The following ADAMTSL1 variants were observed in gnomAD, a reference collection of about 807,000 sequenced individuals.
The protein encoded by ADAMTSL1 is ADAMTS-like protein 1.
In ADAMTSL1, 126 loss-of-function variants were observed where a neutral mutation model predicts 201.8. The ratio of observed to expected loss-of-function variants is 0.62; its 90% CI spans 0.54 to 0.72. ADAMTSL1 has a LOEUF of 0.72. Among genes scored for constraint, ADAMTSL1 ranks in the 30% least tolerant of loss-of-function variants. The pLI, the probability that ADAMTSL1 is intolerant of heterozygous loss-of-function variation, is 0.00. For synonymous variants in ADAMTSL1, 1,121 were observed against 903.4 expected (o/e 1.24, Z -4.32); for missense variants, 2,679 against 2,277.8 (o/e 1.18, Z -3.59).
intron 2 of ADAMTSL1, among the ~76,000 whole-genome samples, chr9:18,225,778 A>G (rs1240911052): frequency 6.6e-6 from 1 of 152,180 alleles, no homozygotes; most frequent in Non-Finnish European, 1.5e-5. Flanking sequence ...AAAATTAAAT[A>G]TGATCATTTA....
At chr9:18,659,005 C>G (rs1252472895) in intron 8 of ADAMTSL1, among the ~76,000 whole-genome samples, 1 of 152,130 alleles carries the variant, frequency 6.6e-6, no homozygotes, top group Admixed American at 6.6e-5. Flanking sequence ...AGATTCATTG[C>G]CAACTGAGTC....
At chr9:18,906,997 A>G (rs765074102) in intron 28 of ADAMTSL1, 85 bp downstream of exon 28, 3 of 1,486,980 alleles carry the variant, frequency 2.0e-6, no homozygotes, top group South Asian at 2.5e-5. Context: ...GACCCTGAGC[A>G]TAGGGCATGG....
At chr9:18,235,792 A>T (rs546504035) in intron 2 of ADAMTSL1, among the ~76,000 whole-genome samples, 1 of 152,184 alleles carries the variant, frequency 6.6e-6, no homozygotes. Context: ...AGCTCAAGAT[A>T]CAGTAGAAAG....
chr9:18,538,229 T>C (rs557026940), intron 3 of ADAMTSL1, among the ~76,000 whole-genome samples: 1 of 152,096 alleles, frequency 6.6e-6, no homozygotes, highest in Non-Finnish European at 1.5e-5. Flanking sequence ...GATTTGGGTA[T>C]GTTCTAGAGA....
At chr9:18,717,251 AAT>A (rs1833007934) in intron 14 of ADAMTSL1, among the ~76,000 whole-genome samples, 2 of 133,646 alleles carry the variant, frequency 1.5e-5, no homozygotes, top group Non-Finnish European at 3.1e-5. Context: ...TAATAATAAT[AAT>A]AAATAAAATA....
chr9:18,454,161 A>G lies in ADAMTSL1; in HGVS notation c.208-50668A>G, dbSNP rs141992478. ...TAAGTCTGAAAGCCTCAGAACCAGA[A>G]AAGACAGTGGAATAAATATCAGTAC... On this transcript the variant is annotated intron_variant, in intron 2 of 29. Coordinates refer to the ADAMTSL1 transcript ENST00000680146. 1.4e-3 allele frequency among the ~76,000 whole-genome samples: 213 copies of G among 152,322 alleles called. 2 individuals are homozygous for G. The highest frequency in any genetic ancestry group is 4.8e-3 in the African/African-American group (200 of 41,576).
intron 2 of ADAMTSL1, among the ~76,000 whole-genome samples, chr9:18,268,898 T>TA (rs1279245582): frequency 6.6e-6 from 1 of 152,118 alleles, no homozygotes; most frequent in Admixed American, 6.6e-5. Flanking sequence ...TCAAATTCCT[T>TA]AAAAAATGAA....
chr9:18,454,079 C>A (rs1820515192), intron 2 of ADAMTSL1, among the ~76,000 whole-genome samples: 1 of 152,180 alleles, frequency 6.6e-6, no homozygotes, highest in South Asian at 2.1e-4. Flanking sequence ...ATTATGGAAG[C>A]TGAGAAGTTC....
chr9:18,291,745 T>TCACA (rs1364394883), intron 2 of ADAMTSL1, among the ~76,000 whole-genome samples: 140 of 111,080 alleles, frequency 1.3e-3, no homozygotes, highest in East Asian at 9.0e-3. Context: ...TCTCTCTCTC[T>TCACA]CTCACACACA....
At chr9:18,439,975 T>A (rs1819925275) in intron 2 of ADAMTSL1, among the ~76,000 whole-genome samples, 2 of 152,226 alleles carry the variant, frequency 1.3e-5, no homozygotes, top group South Asian at 2.1e-4. Flanking sequence ...AGTAACTTAC[T>A]ATGTGTATTC....
chr9:18,335,062 G>A lies in ADAMTSL1; in HGVS notation c.208-169767G>A, dbSNP rs532797985. Among the ~76,000 whole-genome samples the A allele has an allele frequency of 5.6e-4, 85 of 152,186 alleles. No individual in the cohort carries two copies. In the South Asian group the frequency reaches 0.013, roughly 24 times the overall value. On this transcript the variant is annotated intron_variant, in intron 2 of 29. Transcript: ENST00000680146. ...GATCCCTTAATAACTTGAAGGTTAC[G>A]TAAGGCATTATGAAACTACACCAGC...
At chr9:17,969,012 T>A (rs961928042) in intron 1 of ADAMTSL1, among the ~76,000 whole-genome samples, 3 of 151,872 alleles carry the variant, frequency 2.0e-5, no homozygotes, top group African/African-American at 4.8e-5. Flanking sequence ...ACTTCAGGAG[T>A]TCTGTATGAT....
chr9:18,357,086 C>T (rs1349366107), intron 2 of ADAMTSL1, among the ~76,000 whole-genome samples: 2 of 152,104 alleles, frequency 1.3e-5, no homozygotes, highest in African/African-American at 4.8e-5. Context: ...ACATATCAGC[C>T]ATACTGGGAC....
At chr9:18,161,303 A>G (rs1408580324) in intron 1 of ADAMTSL1, among the ~76,000 whole-genome samples, 1 of 152,072 alleles carries the variant, frequency 6.6e-6, no homozygotes, top group Non-Finnish European at 1.5e-5. Flanking sequence ...TTGGTTTAGC[A>G]AAAGAAACTT....
chr9:18,896,136 GAAGA>G (rs1012148192), intron 26 of ADAMTSL1, among the ~76,000 whole-genome samples: 32 of 152,294 alleles, frequency 2.1e-4, no homozygotes, highest in Admixed American at 1.6e-3. Context: ...AGTCTCAGAA[GAAGA>G]AAGGAGTTGA....
chr9:18,901,117 C>A (rs1372718829), intron 26 of ADAMTSL1, among the ~76,000 whole-genome samples: 3 of 150,556 alleles, frequency 2.0e-5, no homozygotes, highest in African/African-American at 7.3e-5. Context: ...GCCTGTAAGA[C>A]CATGAGCCAA....
intron 2 of ADAMTSL1, among the ~76,000 whole-genome samples, chr9:18,437,208 A>T (rs1253971512): frequency 6.6e-6 from 1 of 151,452 alleles, no homozygotes; most frequent in Non-Finnish European, 1.5e-5. Context: ...TCATTTCCCA[A>T]CTTCCTCAAT....
chr9:18,315,894 A>G lies in ADAMTSL1; in HGVS notation c.207+151913A>G, dbSNP rs370168387. 5.3e-5 allele frequency among the ~76,000 whole-genome samples: 8 copies of G among 152,250 alleles called. No homozygotes were observed. The South Asian group carries it at 6.2e-4, about 12-fold the overall frequency. On this transcript the variant is annotated intron_variant, in intron 2 of 29. Coordinates refer to the ADAMTSL1 transcript ENST00000680146. Reference sequence around the variant, plus strand: ...ATGTTGTCACCTCTCTCTCTGATCTAGCAATCCTACTTCTCAGTATCAGGG... The same window carrying G: ...ATGTTGTCACCTCTCTCTCTGATCTGGCAATCCTACTTCTCAGTATCAGGG...
chr9:18,648,916 T>C (rs1209521257), intron 7 of ADAMTSL1, among the ~76,000 whole-genome samples: 1 of 152,222 alleles, frequency 6.6e-6, no homozygotes, highest in Non-Finnish European at 1.5e-5. Context: ...CTGTATTTCC[T>C]GAATCTGAAT....
Sources: gnomAD v4.1 joint callset for allele counts (sites outside exome capture counted in the v4.1 genomes callset) on GRCh38, gnomAD v4.1.1 for gene constraint, MANE v1.5 for transcripts, NCBI Gene and HGNC (gene_info 2026-07-23, HGNC 2026-07-21) for gene names.